CDC45: variants seen among roughly 807,000 people sequenced by gnomAD.
CDC45 encodes the protein cell division control protein 45 homolog.
CDC45 carries 54 observed loss-of-function variants against 77.8 expected under a neutral mutation model. The ratio of observed to expected loss-of-function variants is 0.69; its 90% confidence interval spans 0.56 to 0.87. CDC45 has a LOEUF of 0.87. CDC45 is among the 40% of genes least tolerant of loss of function. The pLI is 0.00. For synonymous variants in CDC45, 260 were observed against 272.1 expected, an observed-to-expected ratio of 0.96 and a Z score of 0.44; for missense variants, 649 against 721.6, an observed-to-expected ratio of 0.90 and a Z score of 1.15.
intron 5 of CDC45, 34 bp from the exon 6 acceptor site, chr22:19,494,293 G>T (rs1443325581): frequency 6.2e-7 from 1 of 1,600,114 alleles, no homozygotes; most frequent in South Asian, 1.1e-5. Flanking sequence ...TGGTGCATTT[G>T]CTCCACCTTT....
intron 10 of CDC45, 72 bp from the exon 11 acceptor site, chr22:19,507,314 C>T (rs1568930813): frequency 3.8e-6 from 6 of 1,569,868 alleles, no homozygotes; most frequent in Non-Finnish European, 4.3e-6. Flanking sequence ...TCAGAGTGGC[C>T]CACCTGCTGG....
intron 7 of CDC45, among the ~76,000 whole-genome samples, chr22:19,496,331 G>A (rs1174575595): frequency 6.6e-6 from 1 of 152,208 alleles, no homozygotes; most frequent in Non-Finnish European, 1.5e-5. Context: ...GAATGAGTTT[G>A]TACCAGTCTC....
intron 11 of CDC45, 87 bp downstream of exon 11, chr22:19,507,604 A>G (rs1490903390): frequency 1.3e-6 from 2 of 1,545,376 alleles, no homozygotes; most frequent in Non-Finnish European, 1.8e-6. Context: ...CAACTTAGTT[A>G]TAAAATGCAG....
chr22:19,485,485 G>T (rs1378592572), intron 5 of CDC45, among the ~76,000 whole-genome samples: 1 of 152,206 alleles, frequency 6.6e-6, no homozygotes, highest in East Asian at 1.9e-4. Flanking sequence ...CTGCAGCTCT[G>T]AGGTGGGAAG....
intron 5 of CDC45, among the ~76,000 whole-genome samples, chr22:19,493,904 T>C (rs1307221024): frequency 6.6e-6 from 1 of 152,236 alleles, no homozygotes; most frequent in African/African-American, 2.4e-5. Context: ...TAAACGAGGT[T>C]GTGCCTGTAA....
intron 7 of CDC45, among the ~76,000 whole-genome samples, chr22:19,496,374 A>C (rs1307398048): frequency 6.6e-6 from 1 of 152,240 alleles, no homozygotes; most frequent in East Asian, 1.9e-4. Flanking sequence ...TAGACTTATA[A>C]TGGCCCATCA....
intron 2 of CDC45, among the ~76,000 whole-genome samples, 182 bp downstream of exon 2, chr22:19,480,399 C>T (rs2089959353): frequency 6.6e-6 from 1 of 152,034 alleles, no homozygotes. Flanking sequence ...CCTCCCTGTC[C>T]CAACGGTGTG....
chr22:19,507,563 C>A, intron 11 of CDC45, 46 bp downstream of exon 11: 1 of 1,609,652 alleles, frequency 6.2e-7, no homozygotes, highest in Non-Finnish European at 8.5e-7. Flanking sequence ...TGGCCACCCC[C>A]AAGGGAAAAG....
Position 19,484,811 on chromosome 22 carries a change from C to T in CDC45, c.486+806C>T, listed in dbSNP as rs117613698. The stretch of plus-strand genomic sequence containing the variant: ...ACTGAGGCATGCTTCTCTCTTCTTT[C>T]TCACCTTTGTCACCCCTTTCACTAG... On this transcript the variant is annotated intron_variant, in intron 5 of 18. Coordinates refer to ENST00000263201, the MANE Select transcript of CDC45 (RefSeq NM_003504.5). 3.4e-3 allele frequency among the ~76,000 whole-genome samples: 517 copies of T among 152,350 alleles called. 20 individuals carry two copies. In the East Asian group the frequency reaches 0.069, roughly 20 times the overall value.
At chr22:19,493,432 T>C (rs920969550) in intron 5 of CDC45, among the ~76,000 whole-genome samples, 5 of 143,652 alleles carry the variant, frequency 3.5e-5, no homozygotes, top group African/African-American at 1.3e-4. Flanking sequence ...CTTTGTTTTT[T>C]TTTTTTTGTT....
At chr22:19,494,585 A>G in intron 6 of CDC45, 3 of 1,546,832 alleles carry the variant, frequency 1.9e-6, no homozygotes, top group South Asian at 2.4e-5. Context: ...GTGACAGGAC[A>G]GCCCCAAGGT....
In CDC45 at chr22:19,496,015, T is replaced by C; in HGVS notation, c.577T>C (p.Tyr193His). 2 of 1,609,632 alleles carry C rather than the reference T, an allele frequency of 1.2e-6. 1 individual carries two copies. Among genetic ancestry groups the C allele is most frequent in the Non-Finnish European group, 1.7e-6 (2 of 1,176,016 alleles). ...DILFDYEQYE[Y>H]HGTSSAMVMF... is the part of the protein sequence containing the mutation. ...CCTCTTTGACTACGAGCAGTATGAA[T>C]ATCATGGGACATCGGTAAGTATGAA... Residue 193 changes from tyrosine (Y) to histidine (H), a missense_variant, in exon 7 of 19, where the codon TAT becomes CAT. Tyr to His is a moderately conservative substitution (Grantham distance 83, BLOSUM62 2). Coordinates refer to ENST00000263201, the MANE Select transcript of CDC45 (RefSeq NM_003504.5).
At position 19,493,232 on chromosome 22, in the gene CDC45, TTTTTTTGTTG is replaced by T. The variant is rs375805133; in HGVS notation, c.487-1090_487-1081del. The stretch of plus-strand genomic sequence containing the variant: ...AGACAGAGCAGCTTTTGTGGGTTTT[TTTTTTTGTTG>T]TTTTGTTTTGTTTTGTTTTGTTTTG... On this transcript the variant is annotated intron_variant, in intron 5 of 18. Transcript: ENST00000263201. Among the ~76,000 whole-genome samples the T allele has an allele frequency of 8.8e-3, 564 of 63,778 alleles. 21 individuals carry two copies. The South Asian group carries it at 0.13, about 15-fold the overall frequency. The allele number at this position is 63,778 out of a possible 152,430, so 41.8% of individuals were successfully genotyped here. A position where few individuals can be genotyped will look rare whatever the true frequency, so the allele number is the denominator to read the frequency against.
At chr22:19,494,458 T>G (rs549677338) in intron 6 of CDC45, 76 bp downstream of exon 6, 26 of 1,589,598 alleles carry the variant, frequency 1.6e-5, no homozygotes, top group Admixed American at 3.5e-5. Flanking sequence ...CCCATACCTC[T>G]GACTTCCTGT....
At chr22:19,481,844 G>A (rs2089988445) in intron 3 of CDC45, among the ~76,000 whole-genome samples, 1 of 152,050 alleles carries the variant, frequency 6.6e-6, no homozygotes, top group African/African-American at 2.4e-5. Context: ...GCTAATTTTT[G>A]TATTTCTAGT....
In CDC45 at chr22:19,515,246, C is replaced by T. The variant is rs1052346444; in HGVS notation, c.1440+198C>T. Among the ~76,000 whole-genome samples, 5 of 152,320 alleles carry T rather than the reference C, an allele frequency of 3.3e-5. No individual in the cohort carries two copies. In the East Asian group the frequency reaches 7.7e-4, roughly 24 times the overall value. On this transcript the variant is annotated intron_variant, in intron 15 of 18. Transcript: ENST00000263201. ...CTTCCAGTTCTCTCAAGCTCTGATT[C>T]ATCACTGGCTGTCTAAGTCACTCAG...
At chr22:19,517,911 C>T (rs369434680) in intron 17 of CDC45, among the ~76,000 whole-genome samples, 2 of 152,218 alleles carry the variant, frequency 1.3e-5, no homozygotes, top group Non-Finnish European at 2.9e-5. Context: ...CTTCCTGCAC[C>T]TCTGAGAAAG....
At chr22:19,515,565 G>T (rs1195643716) in intron 15 of CDC45, among the ~76,000 whole-genome samples, 1 of 152,202 alleles carries the variant, frequency 6.6e-6, no homozygotes, top group Non-Finnish European at 1.5e-5. Context: ...CTGCTTCGAG[G>T]ATGAGAGTTT....
At chr22:19,488,310 A>G (rs2090104386) in intron 5 of CDC45, among the ~76,000 whole-genome samples, 1 of 152,260 alleles carries the variant, frequency 6.6e-6, no homozygotes, top group Non-Finnish European at 1.5e-5. Flanking sequence ...GGCAGAGCCC[A>G]GTGAGGATGA....
Sources: gnomAD v4.1 joint callset for allele counts (sites outside exome capture counted in the v4.1 genomes callset) on GRCh38, gnomAD v4.1.1 for gene constraint, MANE v1.5 for transcripts, NCBI Gene and HGNC (gene_info 2026-07-23, HGNC 2026-07-21) for gene names.